FSTL5: variants seen among roughly 807,000 people sequenced by gnomAD.
The protein encoded by FSTL5 is follistatin-related protein 5.
Under a neutral mutation model 89.1 loss-of-function variants are expected in FSTL5, and 62 were observed. The ratio of observed to expected loss-of-function variants is 0.70; its 90% CI spans 0.57 to 0.86. The LOEUF (loss-of-function observed/expected upper bound fraction) is 0.86, where lower values mean the gene tolerates loss of function less well. Ranked by LOEUF, FSTL5 falls within the 40% of genes least tolerant of loss-of-function variation. The pLI is 0.00. For synonymous variants in FSTL5, 383 were observed against 346.2 expected (o/e 1.11, Z -1.18); for missense variants, 1,057 against 1,001.6 (o/e 1.06, Z -0.75).
chr4:161,940,986 T>C (rs567345067), intron 3 of FSTL5, among the ~76,000 whole-genome samples: 1 of 151,802 alleles, frequency 6.6e-6, no homozygotes, highest in South Asian at 2.1e-4. Context: ...GTGCATCCAA[T>C]ATATAAAGAT....
chr4:161,432,572 T>C (rs1399857937), intron 15 of FSTL5, among the ~76,000 whole-genome samples: 2 of 151,180 alleles, frequency 1.3e-5, no homozygotes, highest in Non-Finnish European at 3.0e-5. Context: ...CCAAAATTAG[T>C]AGAATAGAAA....
chr4:161,534,046 C>T (rs534805799), intron 10 of FSTL5, among the ~76,000 whole-genome samples: 82 of 151,952 alleles, frequency 5.4e-4, no homozygotes, highest in African/African-American at 1.9e-3. Context: ...CACGGTAAAA[C>T]CTCAACAGAA....
chr4:161,489,721 C>T (rs907115222), intron 12 of FSTL5, among the ~76,000 whole-genome samples: 1 of 151,872 alleles, frequency 6.6e-6, no homozygotes, highest in African/African-American at 2.4e-5. Flanking sequence ...GTTAACTGAC[C>T]CCCAACTATT....
chr4:161,804,597 G>T (rs1474769283), intron 4 of FSTL5, among the ~76,000 whole-genome samples: 4 of 151,354 alleles, frequency 2.6e-5, no homozygotes, highest in Non-Finnish European at 5.9e-5. Flanking sequence ...TTAAAATATG[G>T]ATGAATTTAT....
chr4:162,161,388 C>T (rs1343992218), intron 1 of FSTL5, among the ~76,000 whole-genome samples: 1 of 151,636 alleles, frequency 6.6e-6, no homozygotes, highest in Non-Finnish European at 1.5e-5. Flanking sequence ...TAAATTTGGG[C>T]TTATGATGGG....
chr4:161,469,713 C>T (rs1395819637), intron 13 of FSTL5, among the ~76,000 whole-genome samples: 2 of 151,466 alleles, frequency 1.3e-5, no homozygotes, highest in Non-Finnish European at 2.9e-5. Flanking sequence ...TCTCGGCTCA[C>T]TGGAAGCTCC....
intron 4 of FSTL5, among the ~76,000 whole-genome samples, chr4:161,786,566 C>T (rs1273122745): frequency 6.6e-6 from 1 of 151,984 alleles, no homozygotes. Context: ...CCTAATTGTC[C>T]CCAAACCGAC....
intron 11 of FSTL5, among the ~76,000 whole-genome samples, chr4:161,506,752 A>G (rs961954124): frequency 6.6e-6 from 1 of 152,154 alleles, no homozygotes; most frequent in African/African-American, 2.4e-5. Flanking sequence ...ACTGGATGAC[A>G]TTGGAAACCT....
chr4:162,124,257 C>T (rs1731982938), intron 1 of FSTL5, among the ~76,000 whole-genome samples: 1 of 152,100 alleles, frequency 6.6e-6, no homozygotes, highest in African/African-American at 2.4e-5. Flanking sequence ...AATTTATATG[C>T]AACTCCATCA....
At chr4:161,507,834 G>T (rs2126495846) in intron 11 of FSTL5, among the ~76,000 whole-genome samples, 2 of 151,684 alleles carry the variant, frequency 1.3e-5, no homozygotes, top group African/African-American at 2.4e-5. Flanking sequence ...AAATAACATA[G>T]GTTTAACATT....
chr4:161,898,429 T>C (rs923803470), intron 4 of FSTL5, among the ~76,000 whole-genome samples: 1 of 151,966 alleles, frequency 6.6e-6, no homozygotes, highest in Admixed American at 6.6e-5. Context: ...AAAAATGATA[T>C]GGTAAGATTA....
At chr4:161,841,530 C>G (rs1731211913) in intron 4 of FSTL5, among the ~76,000 whole-genome samples, 1 of 152,004 alleles carries the variant, frequency 6.6e-6, no homozygotes, top group Admixed American at 6.6e-5. Context: ...ATTTATTTGA[C>G]AAATATTTAT....
intron 2 of FSTL5, among the ~76,000 whole-genome samples, chr4:162,042,660 AC>A (rs1281943944): frequency 2.6e-5 from 4 of 152,102 alleles, no homozygotes; most frequent in Admixed American, 2.6e-4. Flanking sequence ...TATCCATGGT[AC>A]CCACACATAT....
At chr4:162,130,984 C>T (rs1307455360) in intron 1 of FSTL5, among the ~76,000 whole-genome samples, 1 of 151,882 alleles carries the variant, frequency 6.6e-6, no homozygotes, top group East Asian at 1.9e-4. Context: ...TACTTTTAAT[C>T]ACATATTATT....
At chr4:161,512,273 A>G (rs1730677112) in intron 10 of FSTL5, among the ~76,000 whole-genome samples, 1 of 152,088 alleles carries the variant, frequency 6.6e-6, no homozygotes, top group South Asian at 2.1e-4. Context: ...TGAGTACCTA[A>G]CATGTGTTAG....
chr4:161,586,772 C>G (rs1733632137), intron 8 of FSTL5, among the ~76,000 whole-genome samples: 1 of 152,302 alleles, frequency 6.6e-6, no homozygotes, highest in South Asian at 2.1e-4. Context: ...TTATCTGCCA[C>G]TCTCCTCTAA....
intron 3 of FSTL5, among the ~76,000 whole-genome samples, chr4:161,952,963 A>G (rs1327401618): frequency 3.3e-5 from 5 of 151,788 alleles, no homozygotes; most frequent in Non-Finnish European, 5.9e-5. Flanking sequence ...CATACATTAA[A>G]TTATATGATC....
intron 7 of FSTL5, among the ~76,000 whole-genome samples, chr4:161,645,416 T>C (rs1166175895): frequency 6.6e-6 from 1 of 152,152 alleles, no homozygotes; most frequent in African/African-American, 2.4e-5. Flanking sequence ...TTTTTATATA[T>C]TGTTATCTTC....
At chr4:161,996,456 C>G (rs1486113927) in intron 3 of FSTL5, among the ~76,000 whole-genome samples, 1 of 152,220 alleles carries the variant, frequency 6.6e-6, no homozygotes, top group East Asian at 1.9e-4. Flanking sequence ...CAAACCTCCC[C>G]CACCACTCAA....
Sources: allele counts gnomAD v4.1 joint callset (sites outside exome capture counted in the v4.1 genomes callset), GRCh38; gene constraint gnomAD v4.1.1; transcripts MANE v1.5; gene names NCBI Gene and HGNC (gene_info 2026-07-23, HGNC 2026-07-21).